The following SAMD10 variants were observed in gnomAD, a reference collection of about 807,000 sequenced individuals.
SAMD10 encodes sterile alpha motif domain containing 10.
In SAMD10, 16 loss-of-function variants were observed where a neutral mutation model predicts 22.5. The observed-to-expected ratio is 0.71, with a 90% confidence interval of 0.48 to 1.08. The LOEUF (loss-of-function observed/expected upper bound fraction) is 1.08, where lower values mean the gene tolerates loss of function less well. SAMD10 is among the 50% of genes least tolerant of loss of function. The pLI is 0.00. For missense variants in SAMD10, 227 were observed against 281.3 expected (o/e 0.81, Z 1.38); for synonymous variants, 118 against 122.2 (o/e 0.97, Z 0.23).
chr20:63,976,174 G>GAAAC lies in SAMD10; in HGVS notation c.446-346_446-343dup, dbSNP rs753683743. Among the ~76,000 whole-genome samples the GAAAC allele has an allele frequency of 5.9e-4, 82 of 139,362 alleles. 1 individual carries two copies. The highest frequency in any genetic ancestry group is 7.8e-4 in the East Asian group (4 of 5,132). The allele number at this position is 139,362 out of a possible 152,430, so 91.4% of individuals were successfully genotyped here. ...GATGACAGAGCGAGACTCCTTCTCA[G>GAAAC]AAACAAACAAACAAACAAACAACAA... On this transcript the variant is annotated intron_variant, in intron 3 of 4. Transcript: ENST00000369886.
intron 3 of SAMD10, 34 bp from the exon 4 acceptor site, chr20:63,975,866 A>C (rs762589413): frequency 4.6e-6 from 7 of 1,538,002 alleles, no homozygotes; most frequent in Non-Finnish European, 6.1e-6. Flanking sequence ...AGCTGAGGCC[A>C]ACAGAGGCAT....
In SAMD10 at chr20:63,979,432, C is replaced by A. The variant is rs1569207673; in HGVS notation, c.36G>T (p.Pro12=). Residue 12 remains proline, a synonymous_variant, in exon 1 of 5, where the codon CCG becomes CCT. Coordinates refer to ENST00000369886, the MANE Select transcript of SAMD10 (RefSeq NM_080621.5). This position sits in a 1 kb window ranked among gnomAD's most constrained non-coding sequence, Gnocchi z 7.7. The part of the protein sequence containing the change: ...FTELRSKLSP[P]RGRAGAVRAG... Reference sequence around the variant, plus strand: ...CGCGCACGGCCCCGGCGCGGCCACGCGGGGGGCTCAGCTTGGACCTCAGCT... The same window carrying A: ...CGCGCACGGCCCCGGCGCGGCCACGAGGGGGGCTCAGCTTGGACCTCAGCT... 1.4e-6 allele frequency: 2 copies of A among 1,475,224 alleles called. No homozygotes were observed. The highest frequency in any genetic ancestry group is 3.0e-5 in the East Asian group (1 of 33,858). 91.4% of individuals were successfully genotyped at this position (1,475,224 alleles called of 1,614,324 possible).
intron 3 of SAMD10, among the ~76,000 whole-genome samples, chr20:63,976,748 T>TA (rs2122931928): frequency 1.1e-5 from 1 of 94,082 alleles, no homozygotes. Flanking sequence ...GCAACAGGAG[T>TA]AAATCTCTGT....
At chr20:63,978,447 T>C (rs2059039771) in intron 1 of SAMD10, 2 of 467,680 alleles carry the variant, frequency 4.3e-6, no homozygotes, top group South Asian at 1.8e-5. Context: ...CAGGTGAGGT[T>C]CCCACGCTAG....
At position 63,975,279 on chromosome 20, in the gene SAMD10, G is replaced by T; in HGVS notation, c.*231C>A. ...GAGGGCTTGGGCTCAGGTCCCAGGA[G>T]GTGGGGCCACACTCAAGCAGCCCCC... On this transcript the variant is annotated 3_prime_UTR_variant, in exon 5 of 5. Transcript: ENST00000369886. 3.6e-6 allele frequency: 2 copies of T among 553,258 alleles called. No individual in the cohort carries two copies. The highest frequency in any genetic ancestry group is 6.3e-6 in the Non-Finnish European group (2 of 317,826). 34.3% of individuals were successfully genotyped at this position (553,258 alleles called of 1,614,324 possible).
At chr20:63,979,828 G>A, upstream of SAMD10, 1 of 311,446 alleles carries the variant, frequency 3.2e-6, no homozygotes, top group Non-Finnish European at 4.7e-6. The surrounding 1 kb of genome is among the most constrained non-coding windows in gnomAD (Gnocchi z 7.7). Flanking sequence ...GGGCTGAGGG[G>A]CATCTCACAG....
At chr20:63,978,187 T>C (rs2059038404) in intron 1 of SAMD10, 2 of 610,170 alleles carry the variant, frequency 3.3e-6, no homozygotes. Context: ...CTTCCCACAG[T>C]AACTGCATTA....
Position 63,975,351 on chromosome 20 carries a change from G to T in SAMD10, c.*159C>A, listed in dbSNP as rs763177759. The T allele has an allele frequency of 2.4e-6, 2 of 817,596 alleles. No homozygotes were observed. Among genetic ancestry groups the T allele is most frequent in the Non-Finnish European group, 3.9e-6 (2 of 514,754 alleles). 50.6% of individuals were successfully genotyped at this position (817,596 alleles called of 1,614,324 possible). A position where few individuals can be genotyped will look rare whatever the true frequency, so the allele number is the denominator to read the frequency against. ...CGACCTGGAATGTCCAACCAGAGGC[G>T]CCTGGAGGTGTGATCCTGGTCCTGT... On this transcript the variant is annotated 3_prime_UTR_variant, in exon 5 of 5. Coordinates refer to ENST00000369886, the MANE Select transcript of SAMD10 (RefSeq NM_080621.5).
Position 63,976,988 on chromosome 20 carries a change from G to A in SAMD10, c.428C>T (p.Ser143Phe). 6.2e-7 allele frequency: 1 copy of A among 1,614,130 alleles called. No individual in the cohort carries two copies. Among genetic ancestry groups the A allele is most frequent in the South Asian group, 1.1e-5 (1 of 91,078 alleles). Reference sequence around the variant, plus strand: ...CACTGTACCGGTGATGGCATGCTGGGAGAAGGCCTCCACGTAGACGAGGTA... The same window carrying A: ...CACTGTACCGGTGATGGCATGCTGGAAGAAGGCCTCCACGTAGACGAGGTA... ...HNYLVYVEAF[S>F]QHAITGRALL... Residue 143 changes from serine to phenylalanine, a missense_variant, in exon 3 of 5, where the codon TCC becomes TTC. By Grantham distance (155) the Ser-to-Phe change is radical. Coordinates refer to ENST00000369886, the MANE Select transcript of SAMD10 (RefSeq NM_080621.5).
upstream of SAMD10, chr20:63,979,650 G>C: frequency 1.0e-6 from 1 of 985,128 alleles, no homozygotes; most frequent in Non-Finnish European, 1.2e-6. The surrounding 1 kb of genome is among the most constrained non-coding windows in gnomAD (Gnocchi z 7.7). Context: ...TGTGCCGGGC[G>C]CGCTCCGGGA....
Position 63,975,821 on chromosome 20 carries a change from G to T in SAMD10, c.457C>A (p.Leu153Met). The T allele has an allele frequency of 6.3e-7, 1 of 1,599,540 alleles. No individual in the cohort carries two copies. Residue 153 changes from leucine to methionine, a missense_variant, in exon 4 of 5, where the codon CTG becomes ATG. Transcript: ENST00000369886. The part of the protein sequence containing the change: ...SQHAITGRAL[L>M]RLNAEKLQRM... ...TGCAGCTTCTCCGCATTCAGCCGCAGCAGTGCCCGGCCTGGGGAGAGGAAA... is the reference window on the plus strand; with the variant it reads ...TGCAGCTTCTCCGCATTCAGCCGCATCAGTGCCCGGCCTGGGGAGAGGAAA...
At position 63,979,034 on chromosome 20, in the gene SAMD10, C is replaced by A. The variant is rs1385424607; in HGVS notation, c.91+343G>T. On this transcript the variant is annotated intron_variant, in intron 1 of 4. Transcript: ENST00000369886. The surrounding 1 kb of genome is among the most constrained non-coding windows in gnomAD (Gnocchi z 7.7). The stretch of plus-strand genomic sequence containing the variant: ...AGGAAATGGGGCGGGGGCACCGAGG[C>A]GGGATGTGACCTCGGCCCCCTTTCG... Among the ~76,000 whole-genome samples, 2 of 152,164 alleles carry A rather than the reference C, an allele frequency of 1.3e-5. No homozygotes were observed. The highest frequency in any genetic ancestry group is 2.9e-5 in the Non-Finnish European group (2 of 68,024).
chr20:63,980,033 G>A (rs2059053655), upstream of SAMD10: 1 of 152,498 alleles, frequency 6.6e-6, no homozygotes, highest in African/African-American at 2.4e-5. Context: ...CCCAGAACCT[G>A]GCTCAGTGCC....
chr20:63,976,725 T>G (rs817346), intron 3 of SAMD10, among the ~76,000 whole-genome samples: 36,154 of 139,828 alleles, frequency 0.26, 5,762 homozygotes, highest in African/African-American at 0.46. Flanking sequence ...TCGCACCATT[T>G]CACTCAGCCT....
At chr20:63,975,984 A>G in intron 3 of SAMD10, 152 bp from the exon 4 acceptor site, 2 of 768,322 alleles carry the variant, frequency 2.6e-6, no homozygotes, top group Non-Finnish European at 3.9e-6. Context: ...ACCAGCCTGG[A>G]CAACATGGTG....
At position 63,977,406 on chromosome 20, in the gene SAMD10, G is replaced by T. The variant is rs1156643721; in HGVS notation, c.92C>A (p.Ala31Asp). 6.2e-7 allele frequency: 1 copy of T among 1,612,638 alleles called. No individual in the cohort carries two copies. Among genetic ancestry groups the T allele is most frequent in the Admixed American group, 1.7e-5 (1 of 60,026 alleles). The change falls in exon 2 of 5, where the codon GCC (alanine) becomes GAC (aspartate). Residue 31 changes from alanine to aspartate, a missense_variant and splice_region_variant. Ala to Asp is a moderately radical substitution (Grantham distance 126, BLOSUM62 -2). Coordinates refer to ENST00000369886, the MANE Select transcript of SAMD10 (RefSeq NM_080621.5). The surrounding 1 kb of genome is among the most constrained non-coding windows in gnomAD (Gnocchi z 5.4). Reference protein sequence around the residue: ...AGFGERRDVDATAHFSFCRTL... With the variant: ...AGFGERRDVDDTAHFSFCRTL... ...CCGGCAGAAGCTGAAGTGGGCAGTG[G>T]CTGTGTGTGGGGGTGCCTGGTCAGG...
Position 63,979,299 on chromosome 20 carries a change from C to T in SAMD10, c.91+78G>A. The T allele has an allele frequency of 9.2e-7, 1 of 1,089,234 alleles. No individual in the cohort carries two copies. Among genetic ancestry groups the T allele is most frequent in the East Asian group, 3.4e-5 (1 of 29,720 alleles). 67.5% of individuals were successfully genotyped at this position (1,089,234 alleles called of 1,614,324 possible). ...CACCGCCGCTCGAAGCCCGCCGGGT[C>T]CCGCCCCGCCCCCGTGCCTCTGGGT... On this transcript the variant is annotated intron_variant, in intron 1 of 4. Transcript: ENST00000369886. The surrounding 1 kb of genome is among the most constrained non-coding windows in gnomAD (Gnocchi z 7.7).
chr20:63,979,298 T>TC lies in SAMD10; in HGVS notation c.91+78dup. The TC allele has an allele frequency of 9.6e-7, 1 of 1,047,020 alleles. No homozygotes were observed. The highest frequency in any genetic ancestry group is 1.3e-6 in the Non-Finnish European group (1 of 781,140). 64.9% of individuals were successfully genotyped at this position (1,047,020 alleles called of 1,614,324 possible). Reference sequence around the variant, plus strand: ...CCACCGCCGCTCGAAGCCCGCCGGGTCCCGCCCCGCCCCCGTGCCTCTGGG... The same window carrying TC: ...CCACCGCCGCTCGAAGCCCGCCGGGTCCCCGCCCCGCCCCCGTGCCTCTGGG... On this transcript the variant is annotated intron_variant, in intron 1 of 4. Coordinates refer to ENST00000369886, the MANE Select transcript of SAMD10 (RefSeq NM_080621.5). The surrounding 1 kb of genome is among the most constrained non-coding windows in gnomAD (Gnocchi z 7.7).
chr20:63,974,169 G>C lies in SAMD10; in HGVS notation c.*1341C>G, dbSNP rs2059005535. On this transcript the variant is annotated 3_prime_UTR_variant, in exon 5 of 5. Coordinates refer to ENST00000369886, the MANE Select transcript of SAMD10 (RefSeq NM_080621.5). Reference sequence around the variant, plus strand: ...TTTTTTTTTGTCAGAGTATAAAAAAGTGAGTGCAGCAAAACAAGGAAGACG... The same window carrying C: ...TTTTTTTTTGTCAGAGTATAAAAAACTGAGTGCAGCAAAACAAGGAAGACG... 1 of 152,138 alleles carries C rather than the reference G, an allele frequency of 6.6e-6. No homozygotes were observed. Among genetic ancestry groups the C allele is most frequent in the South Asian group, 2.1e-4 (1 of 4,834 alleles). 9.4% of individuals were successfully genotyped at this position (152,138 alleles called of 1,614,324 possible).
Sources: allele counts gnomAD v4.1 joint callset (sites outside exome capture counted in the v4.1 genomes callset), GRCh38; gene constraint gnomAD v4.1.1; non-coding constraint Gnocchi (gnomAD v3.1); transcripts MANE v1.5; gene names NCBI Gene and HGNC (gene_info 2026-07-23, HGNC 2026-07-21).